The following PDE4A variants were observed in gnomAD, a reference collection of about 807,000 sequenced individuals.
PDE4A encodes the protein phosphodiesterase 4A.
A neutral mutation model predicts 73.9 loss-of-function variants in PDE4A; 21 were observed. The ratio of observed to expected loss-of-function variants is 0.28; its 90% CI spans 0.20 to 0.41. The LOEUF (loss-of-function observed/expected upper bound fraction) is 0.41, where lower values mean the gene tolerates loss of function less well. PDE4A is among the 10% of genes least tolerant of loss of function. The pLI, the probability that PDE4A is intolerant of heterozygous loss-of-function variation, is 1.00. For synonymous variants in PDE4A, 463 were observed against 505.4 expected, an observed-to-expected ratio of 0.92 and a Z score of 1.13; for missense variants, 958 against 1,211.4, an observed-to-expected ratio of 0.79 and a Z score of 3.10.
At chr19:10,432,488 G>GC (rs892024340) in intron 1 of PDE4A, 40 of 1,512,620 alleles carry the variant, frequency 2.6e-5, no homozygotes, top group East Asian at 5.6e-5. Context: ...CCCTGGCACT[G>GC]CCCCCCACGG....
At chr19:10,426,592 T>C (rs1352426) in intron 1 of PDE4A, among the ~76,000 whole-genome samples, 75,337 of 151,902 alleles carry the variant, frequency 0.5, 20,017 homozygotes, top group African/African-American at 0.69. Context: ...AGTAAAGGGC[T>C]GGGTGCGGTG....
chr19:10,452,537 G>A (rs368218176), intron 6 of PDE4A, among the ~76,000 whole-genome samples: 13 of 152,030 alleles, frequency 8.6e-5, no homozygotes, highest in African/African-American at 2.9e-4. Context: ...TGGATGGGGC[G>A]TGTCTGAAGG....
Position 10,458,910 on chromosome 19 carries a change from C to T in PDE4A, c.1102-490C>T, listed in dbSNP as rs1259739093. 3 of 159,408 alleles carry T rather than the reference C, an allele frequency of 1.9e-5. No individual in the cohort carries two copies. Among genetic ancestry groups the T allele is most frequent in the African/African-American group, 4.8e-5 (2 of 41,652 alleles). The allele number at this position is 159,408 out of a possible 1,614,324, so 9.9% of individuals were successfully genotyped here. On this transcript the variant is annotated intron_variant, in intron 8 of 14. Transcript: ENST00000380702. This position sits in a 1 kb window ranked among gnomAD's most constrained non-coding sequence, Gnocchi z 4.6. ...CTGGGATTGCAGGCGTGAGCCACTGCACCTGGCCAACTGGTGTTTATTAAG... is the reference window on the plus strand; with the variant it reads ...CTGGGATTGCAGGCGTGAGCCACTGTACCTGGCCAACTGGTGTTTATTAAG...
intron 2 of PDE4A, among the ~76,000 whole-genome samples, chr19:10,447,694 C>G (rs530388386): frequency 2.0e-5 from 3 of 152,220 alleles, no homozygotes; most frequent in African/African-American, 7.2e-5. Flanking sequence ...CATGTCCAGC[C>G]AGAAAGGTGT....
chr19:10,457,363 G>A (rs56069349), intron 7 of PDE4A, among the ~76,000 whole-genome samples: 1 of 147,764 alleles, frequency 6.8e-6, no homozygotes, highest in Non-Finnish European at 1.5e-5. Flanking sequence ...CTCAGCTCTG[G>A]AAGCCCCTGA....
In PDE4A at chr19:10,439,133, C is replaced by T. The variant is rs114342310; in HGVS notation, c.321-7085C>T. On this transcript the variant is annotated intron_variant, in intron 1 of 14. Transcript: ENST00000380702. Reference sequence around the variant, plus strand: ...GGATAGACCTAGGAGTGGGATTGCGCGGTTGTGTGGTGATTCTACGTGTTT... The same window carrying T: ...GGATAGACCTAGGAGTGGGATTGCGTGGTTGTGTGGTGATTCTACGTGTTT... Among the ~76,000 whole-genome samples, 1,455 of 151,994 alleles carry T rather than the reference C, an allele frequency of 9.6e-3. 24 individuals carry two copies. The highest frequency in any genetic ancestry group is 0.031 in the African/African-American group (1,288 of 41,454).
rs1043170931 is a variant in PDE4A, at chr19:10,461,766, A to T, written c.1620+86A>T. 3 of 1,586,160 alleles carry T rather than the reference A, an allele frequency of 1.9e-6. No homozygotes were observed. The Admixed American group carries it at 5.1e-5, about 27-fold the overall frequency. On this transcript the variant is annotated intron_variant, in intron 12 of 14. Transcript: ENST00000380702. Reference sequence around the variant, plus strand: ...GAGGAGTGGGTCTGAGTCCCAGAGGAACCCTCAACCTGGACAGAGCGGGCG... The same window carrying T: ...GAGGAGTGGGTCTGAGTCCCAGAGGTACCCTCAACCTGGACAGAGCGGGCG...
intron 1 of PDE4A, chr19:10,421,434 G>A (rs1262380337): frequency 4.3e-6 from 3 of 698,222 alleles, no homozygotes; most frequent in Non-Finnish European, 5.3e-6. Context: ...CTTCCTGGGG[G>A]CACTATACTG....
At chr19:10,450,708 C>T in intron 5 of PDE4A, 56 bp downstream of exon 5, 1 of 1,589,572 alleles carries the variant, frequency 6.3e-7, no homozygotes, top group East Asian at 2.3e-5. Context: ...AGTGGGGGTC[C>T]CTCAGCCCCT....
At chr19:10,462,217 TCCGCCTC>T (rs367865734) in intron 13 of PDE4A, among the ~76,000 whole-genome samples, 1,565 of 151,864 alleles carry the variant, frequency 0.01, 22 homozygotes, top group African/African-American at 0.035. Flanking sequence ...CACCACAACC[TCCGCCTC>T]CCGCCTCCCG....
At chr19:10,462,069 AACTG>A in intron 13 of PDE4A, 70 bp downstream of exon 13, 3 of 1,289,992 alleles carry the variant, frequency 2.3e-6, no homozygotes, top group Non-Finnish European at 3.3e-6. Context: ...CTGGGTAGCT[AACTG>A]CCCCTTCCTC....
upstream of PDE4A, chr19:10,419,015 G>A (rs1348739982): frequency 1.0e-6 from 1 of 984,504 alleles, no homozygotes; most frequent in East Asian, 1.1e-4. Flanking sequence ...AGCCCCCTCT[G>A]GCGGGGAGAA....
At chr19:10,445,788 A>T (rs1332481424) in intron 1 of PDE4A, among the ~76,000 whole-genome samples, 1 of 148,376 alleles carries the variant, frequency 6.7e-6, no homozygotes, top group Non-Finnish European at 1.5e-5. Context: ...AAAAAAAAAA[A>T]TTCTCCACCT....
At chr19:10,430,242 T>C (rs1378388846) in intron 1 of PDE4A, among the ~76,000 whole-genome samples, 57 of 151,656 alleles carry the variant, frequency 3.8e-4, no homozygotes, top group Non-Finnish European at 8.8e-5. Context: ...ATCCCTGGCA[T>C]TTGTGGATGC....
chr19:10,461,511 C>CG lies in PDE4A; in HGVS notation c.1466-12dup, dbSNP rs1249646361. On this transcript the variant is annotated splice_polypyrimidine_tract_variant and intron_variant, in intron 11 of 14. Coordinates refer to ENST00000380702, the MANE Select transcript of PDE4A (RefSeq NM_001111307.2). The stretch of plus-strand genomic sequence containing the variant: ...CACACGTGGGCCCTCCCCTGACCTC[C>CG]GGGCTGGGCTGCAGATTCGGAGCTG... 1.2e-6 allele frequency: 2 copies of CG among 1,612,944 alleles called. No homozygotes were observed.
upstream of PDE4A, chr19:10,417,154 C>T (rs2042596246): frequency 2.0e-6 from 2 of 982,830 alleles, no homozygotes; most frequent in Non-Finnish European, 2.4e-6. Context: ...TCCATTTTTT[C>T]TCCTGCTGCC....
At chr19:10,461,785 G>A in intron 12 of PDE4A, 92 bp from the exon 13 acceptor site, 6 of 1,580,758 alleles carry the variant, frequency 3.8e-6, no homozygotes, top group Non-Finnish European at 5.1e-6. Context: ...CCTGGACAGA[G>A]CGGGCGGCTT....
intron 1 of PDE4A, among the ~76,000 whole-genome samples, chr19:10,437,544 T>G (rs1311197209): frequency 6.6e-6 from 1 of 151,866 alleles, no homozygotes; most frequent in Non-Finnish European, 1.5e-5. Flanking sequence ...ATCAGCCTCT[T>G]GAGTAGCTGG....
At chr19:10,438,323 G>A (rs1234546587) in intron 1 of PDE4A, among the ~76,000 whole-genome samples, 1 of 151,218 alleles carries the variant, frequency 6.6e-6, no homozygotes. Context: ...ATGTTGGCCG[G>A]GATGGTCTCG....
Sources: allele counts gnomAD v4.1 joint callset (sites outside exome capture counted in the v4.1 genomes callset), GRCh38; gene constraint gnomAD v4.1.1; non-coding constraint Gnocchi (gnomAD v3.1); transcripts MANE v1.5; gene names NCBI Gene and HGNC (gene_info 2026-07-23, HGNC 2026-07-21).